The following KCNQ1 variants were observed in gnomAD, a reference collection of about 807,000 sequenced individuals.
KCNQ1 encodes potassium voltage-gated channel subfamily KQT member 1.
In KCNQ1, 49 loss-of-function variants were observed where a neutral mutation model predicts 72.4. The observed-to-expected ratio is 0.68, with a 90% CI of 0.54 to 0.86. KCNQ1 has a LOEUF of 0.86. KCNQ1 is among the 40% of genes least tolerant of loss of function. The pLI, the probability that KCNQ1 is intolerant of heterozygous loss-of-function variation, is 0.00. For synonymous variants in KCNQ1, 450 were observed against 412.6 expected, an observed-to-expected ratio of 1.09 and a Z score of -1.10; for missense variants, 790 against 945.1, an observed-to-expected ratio of 0.84 and a Z score of 2.15.
rs1488118577 is a variant in KCNQ1 at position 2,725,612 on chromosome 11, C to A, written c.1515-43232C>A. Among the ~76,000 whole-genome samples the A allele has an allele frequency of 1.3e-5, 2 of 152,234 alleles. No homozygotes were observed. The highest frequency in any genetic ancestry group is 4.8e-5 in the African/African-American group (2 of 41,452). On this transcript the variant is annotated intron_variant, in intron 11 of 15. Coordinates refer to ENST00000155840, the MANE Select transcript of KCNQ1 (RefSeq NM_000218.3). The surrounding 1 kb of genome is among the most constrained non-coding windows in gnomAD (Gnocchi z 7.2). ...AGTCAGACTTGCCCTCGCCCCCTTC[C>A]CGAACGTACCCTTTCCATGAGGCTG...
chr11:2,732,672 G>A (rs909245078), intron 11 of KCNQ1, among the ~76,000 whole-genome samples: 12 of 152,200 alleles, frequency 7.9e-5, no homozygotes, highest in Admixed American at 6.5e-5. Flanking sequence ...AGGAACAATC[G>A]CCCCAGTGTG....
chr11:2,572,247 G>A (rs566985695), intron 5 of KCNQ1, 138 bp downstream of exon 5: 67 of 648,090 alleles, frequency 1.0e-4, no homozygotes, highest in Admixed American at 2.7e-4. Flanking sequence ...GTACCTGAAC[G>A]GGGCCCAGGA....
In KCNQ1 at chr11:2,658,652, T is replaced by C. The variant is rs1296107991; in HGVS notation, c.1394-3309T>C. On this transcript the variant is annotated intron_variant, in intron 10 of 15. Coordinates refer to ENST00000155840, the MANE Select transcript of KCNQ1 (RefSeq NM_000218.3). This position sits in a 1 kb window ranked among gnomAD's most constrained non-coding sequence, Gnocchi z 4.9. ...TATGCTCGTGGCTACTAGGGTATCA[T>C]TGCTTCAGTCTCCTCTCAGTGGACA... 7.5e-6 allele frequency: 3 copies of C among 398,424 alleles called. No homozygotes were observed. Among genetic ancestry groups the C allele is most frequent in the Non-Finnish European group, 1.3e-5 (3 of 226,058 alleles). The allele number at this position is 398,424 out of a possible 1,614,324, so 24.7% of individuals were successfully genotyped here.
Position 2,508,022 on chromosome 11 carries a change from CGTACATGG to C in KCNQ1, c.387-19905_387-19898del, listed in dbSNP as rs1847131941. Among the ~76,000 whole-genome samples the C allele has an allele frequency of 6.6e-6, 1 of 152,040 alleles. No individual in the cohort carries two copies. Among genetic ancestry groups the C allele is most frequent in the African/African-American group, 2.4e-5 (1 of 41,398 alleles). Reference sequence around the variant, plus strand: ...TCTGGGTCCTGGTGGGTCCCAGCCCCGTACATGGAGGCTGGGACCCTGCCCTGAAACCT... The same window carrying C: ...TCTGGGTCCTGGTGGGTCCCAGCCCCAGGCTGGGACCCTGCCCTGAAACCT... On this transcript the variant is annotated intron_variant, in intron 1 of 15. Transcript: ENST00000155840. The surrounding 1 kb of genome is among the most constrained non-coding windows in gnomAD (Gnocchi z 6.2).
intron 11 of KCNQ1, chr11:2,697,821 A>C (rs972151836): frequency 2.5e-6 from 1 of 398,498 alleles, no homozygotes; most frequent in African/African-American, 2.1e-5. Context: ...AATTCTTTAT[A>C]GTTTTCTTGT....
At chr11:2,707,936 G>T (rs1048748745) in intron 11 of KCNQ1, among the ~76,000 whole-genome samples, 1 of 152,198 alleles carries the variant, frequency 6.6e-6, no homozygotes, top group African/African-American at 2.4e-5. Flanking sequence ...CTTGAGCGCC[G>T]AACCTGCATG....
chr11:2,625,149 A>G (rs1475547380), intron 10 of KCNQ1: 1 of 398,558 alleles, frequency 2.5e-6, no homozygotes, highest in Non-Finnish European at 4.4e-6. Context: ...TTGAAGGAAC[A>G]CCAAACTGTT....
chr11:2,732,738 T>C (rs555495515), intron 11 of KCNQ1, among the ~76,000 whole-genome samples: 1 of 152,188 alleles, frequency 6.6e-6, no homozygotes, highest in Non-Finnish European at 1.5e-5. Context: ...GCTCCCAGCC[T>C]GGCTTCCCTT....
chr11:2,654,021 T>C lies in KCNQ1; in HGVS notation c.1394-7940T>C, dbSNP rs1849798086. 1 of 398,580 alleles carries C rather than the reference T, an allele frequency of 2.5e-6. No homozygotes were observed. The highest frequency in any genetic ancestry group is 1.3e-4 in the South Asian group (1 of 7,866). 24.7% of individuals were successfully genotyped at this position (398,580 alleles called of 1,614,324 possible). ...GCCAGCTGTGAATATACATTTTCACTCCATTCCTCGCCTTGTTCCTGGCAG... is the reference window on the plus strand; with the variant it reads ...GCCAGCTGTGAATATACATTTTCACCCCATTCCTCGCCTTGTTCCTGGCAG... On this transcript the variant is annotated intron_variant, in intron 10 of 15. Transcript: ENST00000155840. This position sits in a 1 kb window ranked among gnomAD's most constrained non-coding sequence, Gnocchi z 6.4.
chr11:2,608,561 G>C lies in KCNQ1; in HGVS notation c.1393+19707G>C, dbSNP rs1331232270. ...TGTAATCATAGCTCACTGTAACCTC[G>C]ATCTCCTAGTCTCAAGTGATCCTTG... On this transcript the variant is annotated intron_variant, in intron 10 of 15. Transcript: ENST00000155840. The surrounding 1 kb of genome is among the most constrained non-coding windows in gnomAD (Gnocchi z 4.6). The C allele has an allele frequency of 6.3e-5, 25 of 398,228 alleles. No individual in the cohort carries two copies. In the East Asian group the frequency reaches 8.9e-4, roughly 14 times the overall value. 24.7% of individuals were successfully genotyped at this position (398,228 alleles called of 1,614,324 possible). A position where few individuals can be genotyped will look rare whatever the true frequency, so the allele number is the denominator to read the frequency against.
chr11:2,741,908 C>T (rs774726544), intron 11 of KCNQ1, among the ~76,000 whole-genome samples: 14 of 152,228 alleles, frequency 9.2e-5, no homozygotes, highest in Non-Finnish European at 1.2e-4. Flanking sequence ...GGGTGGGTCA[C>T]CATCTGCAGA....
rs188376979 is a variant in KCNQ1 at position 2,721,280 on chromosome 11, G to A, written c.1515-47564G>A. 2.1e-4 allele frequency among the ~76,000 whole-genome samples: 32 copies of A among 152,282 alleles called. 1 individual carries two copies. Among genetic ancestry groups the A allele is most frequent in the Admixed American group, 1.4e-3 (22 of 15,300 alleles). On this transcript the variant is annotated intron_variant, in intron 11 of 15. Transcript: ENST00000155840. ...GTCGAGTTAAAAGGCAGCACTTCGG[G>A]GGTTGAAAAGCTACCCGCAGGGGTC...
Position 2,651,249 on chromosome 11 carries a change from A to G in KCNQ1, c.1394-10712A>G. The stretch of plus-strand genomic sequence containing the variant: ...ACAGCACACACAGCTTAATTCAGGA[A>G]TTAAGCTGTGCTGGTCACTTATTGA... On this transcript the variant is annotated intron_variant, in intron 10 of 15. Transcript: ENST00000155840. The surrounding 1 kb of genome is among the most constrained non-coding windows in gnomAD (Gnocchi z 6.1). 2.5e-6 allele frequency: 1 copy of G among 398,672 alleles called. No homozygotes were observed. Among genetic ancestry groups the G allele is most frequent in the East Asian group, 3.6e-5 (1 of 28,082 alleles). 24.7% of individuals were successfully genotyped at this position (398,672 alleles called of 1,614,324 possible).
rs985491089 is a variant in KCNQ1 at position 2,639,388 on chromosome 11, T to G, written c.1394-22573T>G. On this transcript the variant is annotated intron_variant, in intron 10 of 15. Transcript: ENST00000155840. ...ATGATGGTGACGTATAGATGGAGTT[T>G]TGGTGTGGATGTCCTTTCTGTTTGT... 6.0e-4 allele frequency: 92 copies of G among 152,268 alleles called. 6 individuals carry two copies. The highest frequency in any genetic ancestry group is 2.9e-5 in the Non-Finnish European group (2 of 68,058). The allele number at this position is 152,268 out of a possible 1,614,324, so 9.4% of individuals were successfully genotyped here.
At chr11:2,476,385 A>G (rs1261128476) in intron 1 of KCNQ1, among the ~76,000 whole-genome samples, 1 of 152,244 alleles carries the variant, frequency 6.6e-6, no homozygotes, top group Non-Finnish European at 1.5e-5. Flanking sequence ...AGATCTGAAC[A>G]TTAAAGGGGC....
chr11:2,513,036 G>A (rs984996498), intron 1 of KCNQ1, among the ~76,000 whole-genome samples: 6 of 152,146 alleles, frequency 3.9e-5, no homozygotes, highest in East Asian at 1.9e-4. Flanking sequence ...CTCAAGCCCC[G>A]GCCTGCTCAC....
At chr11:2,454,707 T>G (rs1322699275) in intron 1 of KCNQ1, among the ~76,000 whole-genome samples, 1 of 152,146 alleles carries the variant, frequency 6.6e-6, no homozygotes, top group Non-Finnish European at 1.5e-5. Flanking sequence ...AAAAAACTTT[T>G]GATAAAATTC....
intron 2 of KCNQ1, among the ~76,000 whole-genome samples, chr11:2,529,786 G>T (rs1347766223): frequency 1.3e-5 from 2 of 152,180 alleles, no homozygotes; most frequent in Non-Finnish European, 2.9e-5. Flanking sequence ...CCAGAGCTGG[G>T]GGTGGTACCT....
rs967577429 is a variant in KCNQ1 at position 2,624,644 on chromosome 11, C to T, written c.1393+35790C>T. 80 of 398,376 alleles carry T rather than the reference C, an allele frequency of 2.0e-4. No individual in the cohort carries two copies. The highest frequency in any genetic ancestry group is 1.6e-4 in the Non-Finnish European group (36 of 226,028). 24.7% of individuals were successfully genotyped at this position (398,376 alleles called of 1,614,324 possible). ...TACAATTCAGTGAATGTATTAGATA[C>T]GTTCACAATGCTGTGCAATCATCAC... On this transcript the variant is annotated intron_variant, in intron 10 of 15. Transcript: ENST00000155840. The surrounding 1 kb of genome is among the most constrained non-coding windows in gnomAD (Gnocchi z 4.9).
Sources: gnomAD v4.1 joint callset for allele counts (sites outside exome capture counted in the v4.1 genomes callset) on GRCh38, gnomAD v4.1.1 for gene constraint, Gnocchi (gnomAD v3.1) non-coding constraint, MANE v1.5 for transcripts, NCBI Gene and HGNC (gene_info 2026-07-23, HGNC 2026-07-21) for gene names.